Variants in SLC49A3 observed in about 807,000 individuals in gnomAD.
SLC49A3 encodes solute carrier family 49 member A3.
A neutral mutation model predicts 43.8 loss-of-function variants in SLC49A3; 50 were observed. The ratio of observed to expected loss-of-function variants is 1.14; its 90% CI spans 0.91 to 1.45. SLC49A3 has a LOEUF of 1.45. Among genes scored for constraint, SLC49A3 ranks in the 40% most tolerant of loss-of-function variants. The pLI, the probability that SLC49A3 is intolerant of heterozygous loss-of-function variation, is 0.00. For synonymous variants in SLC49A3, 413 were observed against 352.0 expected (o/e 1.17, Z -1.94); for missense variants, 906 against 774.1 (o/e 1.17, Z -2.02).
At chr4:686,789 G>A (rs1577368763) in intron 1 of SLC49A3, 99 bp from the exon 2 acceptor site, 21 of 1,444,734 alleles carry the variant, frequency 1.5e-5, no homozygotes, top group Admixed American at 2.0e-5. Flanking sequence ...CAGCAGCCCC[G>A]TGAGGCCGAG....
chr4:683,129 CA>C (rs1740163601), intron 8 of SLC49A3, 80 bp downstream of exon 8: 2 of 1,573,886 alleles, frequency 1.3e-6, no homozygotes, highest in Non-Finnish European at 1.7e-6. Flanking sequence ...GGGCCTGGAC[CA>C]CATGGTGCAA....
downstream of SLC49A3, chr4:681,001 A>G: frequency 7.0e-7 from 1 of 1,427,654 alleles, no homozygotes; most frequent in Non-Finnish European, 9.6e-7. Flanking sequence ...GTGAGCGAGT[A>G]CAACCTGGGG....
rs749785151 is a variant in SLC49A3, at chr4:685,854, C to T, written c.566G>A (p.Gly189Asp). ...NVLSPVLVKK[G>D]EDIPLMLGVY... ...CCTCACCATTAACGGAATGTCCTCA[C>T]CCTTCTTGACCAGCACAGGGGACAG... Residue 189 changes from glycine to aspartate, a missense_variant, in exon 4 of 10, where the codon GGT becomes GAT. Physicochemically the swap from Gly to Asp is moderately conservative, Grantham distance 94. Transcript: ENST00000322224. The surrounding 1 kb of genome is among the most constrained non-coding windows in gnomAD (Gnocchi z 4.3). The T allele has an allele frequency of 3.1e-6, 5 of 1,613,878 alleles. No homozygotes were observed. The South Asian group carries it at 3.3e-5, about 11-fold the overall frequency.
At position 686,672 on chromosome 4, in the gene SLC49A3, G is replaced by T. The variant is rs1741105658; in HGVS notation, c.154C>A (p.Pro52Thr). Reference protein sequence around the residue: ...SNATLWLSFAPVADVIAEDLV... With the variant: ...SNATLWLSFATVADVIAEDLV... ...TCCTCAGCAATGACGTCAGCCACAG[G>T]TGCAAAGCTGAGCCACAGCTGCAGG... Residue 52 changes from proline (P) to threonine (T), a missense_variant, in exon 2 of 10, where the codon CCT becomes ACT. By Grantham distance (38) the Pro-to-Thr change is conservative. Coordinates refer to ENST00000322224, the MANE Select transcript of SLC49A3 (RefSeq NM_032219.4). 1 of 1,612,864 alleles carries T rather than the reference G, an allele frequency of 6.2e-7. No individual in the cohort carries two copies. Among genetic ancestry groups the T allele is most frequent in the Non-Finnish European group, 8.5e-7 (1 of 1,179,878 alleles).
rs1459586830 is a variant in SLC49A3 at position 683,708 on chromosome 4, T to C, written c.894A>G (p.Ala298=). The change falls in exon 7 of 10, where the codon GCA becomes GCG. Residue 298 remains alanine, a synonymous_variant. Coordinates refer to ENST00000322224, the MANE Select transcript of SLC49A3 (RefSeq NM_032219.4). The part of the protein sequence containing the change: ...ALFITFGILG[A]LALGPYVDRT... ...GGTCCACATAGGGGCCGAGAGCCAG[T>C]GCCCCCAGGATCCCAAACGTGATGA... 6 of 1,596,822 alleles carry C rather than the reference T, an allele frequency of 3.8e-6. No homozygotes were observed. The Admixed American group carries it at 5.3e-5, about 14-fold the overall frequency.
rs763730156 is a variant in SLC49A3, at chr4:686,160, GAGA to G, written c.434_436del (p.Phe145del). On this transcript the variant is annotated inframe_deletion, in exon 3 of 10. Coordinates refer to ENST00000322224, the MANE Select transcript of SLC49A3 (RefSeq NM_032219.4). ...CCACAAGGCAGCCAGCTTGGCTGGA[GAGA>G]AGATGACCAGGCTCTGGGCAAGGGC... 2 of 1,613,414 alleles carry G rather than the reference GAGA, an allele frequency of 1.2e-6. No individual in the cohort carries two copies. Among genetic ancestry groups the G allele is most frequent in the Non-Finnish European group, 1.7e-6 (2 of 1,180,012 alleles).
At position 689,086 on chromosome 4, in the gene SLC49A3, G is replaced by A. The variant is rs761465249; in HGVS notation, c.42C>T (p.Pro14=). Residue 14 remains proline (P), a synonymous_variant, in exon 1 of 10, where the codon CCC becomes CCT. Transcript: ENST00000322224. ...PTEAETGLAE[P]RALCAQRGHR... is the part of the protein sequence containing the mutation. ...GGCCCCGCTGCGCGCACAGGGCCCG[G>A]GGCTCGGCCAACCCCGTCTCGGCCT... The A allele has an allele frequency of 4.6e-6, 7 of 1,536,678 alleles. No homozygotes were observed. Among genetic ancestry groups the A allele is most frequent in the South Asian group, 1.2e-5 (1 of 84,600 alleles).
upstream of SLC49A3, among the ~76,000 whole-genome samples, chr4:689,890 A>G (rs1331540722): frequency 1.3e-5 from 2 of 152,034 alleles, no homozygotes; most frequent in Non-Finnish European, 2.9e-5. Context: ...TGATCCCACA[A>G]CTGTGCCTGG....
intron 1 of SLC49A3, among the ~76,000 whole-genome samples, 189 bp from the exon 2 acceptor site, chr4:686,879 G>A (rs922587579): frequency 3.9e-5 from 6 of 152,190 alleles, no homozygotes; most frequent in East Asian, 3.9e-4. Flanking sequence ...GGCACCCAGC[G>A]CAGGGTCAGA....
downstream of SLC49A3, chr4:680,068 T>G: frequency 7.0e-7 from 1 of 1,429,856 alleles, no homozygotes; most frequent in South Asian, 1.2e-5. Flanking sequence ...TCCTAACAGT[T>G]AGAGATCCGG....
At chr4:686,062 C>G (rs1374222800) in intron 3 of SLC49A3, 27 bp downstream of exon 3, 2 of 1,611,920 alleles carry the variant, frequency 1.2e-6, no homozygotes, top group Admixed American at 1.7e-5. Flanking sequence ...TGAGCCCAGG[C>G]AGGCGGCCTC....
chr4:691,009 G>T (rs1258551093), upstream of SLC49A3, among the ~76,000 whole-genome samples: 1 of 152,228 alleles, frequency 6.6e-6, no homozygotes, highest in African/African-American at 2.4e-5. Flanking sequence ...ACCATGGGCC[G>T]GGTGCGGTGG....
intron 6 of SLC49A3, among the ~76,000 whole-genome samples, chr4:684,262 C>T (rs142277150): frequency 4.6e-5 from 7 of 152,266 alleles, no homozygotes; most frequent in Admixed American, 1.3e-4. Context: ...CCCTCCGCTC[C>T]GTCCCACAGC....
At chr4:680,546 G>A (rs538213827), downstream of SLC49A3, 2 of 1,613,622 alleles carry the variant, frequency 1.2e-6, no homozygotes, top group African/African-American at 2.7e-5. Context: ...ACGCCTTCAA[G>A]ATGCTGGACC....
Position 685,804 on chromosome 4 carries a change from G to C in SLC49A3, c.585+31C>G. ...GACGTGCATGCGCACACACCACACA[G>C]ACCAGGCACGGGCGTCTCATGACCC... On this transcript the variant is annotated intron_variant, in intron 4 of 9. Coordinates refer to ENST00000322224, the MANE Select transcript of SLC49A3 (RefSeq NM_032219.4). This position sits in a 1 kb window ranked among gnomAD's most constrained non-coding sequence, Gnocchi z 4.3. 1 of 1,611,312 alleles carries C rather than the reference G, an allele frequency of 6.2e-7. No individual in the cohort carries two copies. The highest frequency in any genetic ancestry group is 1.1e-5 in the South Asian group (1 of 90,938).
downstream of SLC49A3, chr4:678,575 A>G: frequency 6.5e-7 from 1 of 1,530,264 alleles, no homozygotes; most frequent in Non-Finnish European, 8.8e-7. Flanking sequence ...CCTTCATCTG[A>G]GTTAAGTCTC....
downstream of SLC49A3, chr4:678,938 G>T (rs376497378): frequency 7.4e-6 from 12 of 1,613,386 alleles, no homozygotes; most frequent in African/African-American, 1.6e-4. Context: ...CAGCACAGCA[G>T]CCCTGACCTT....
At chr4:680,846 G>A (rs1739400131), downstream of SLC49A3, 3 of 633,436 alleles carry the variant, frequency 4.7e-6, no homozygotes, top group South Asian at 3.9e-5. Flanking sequence ...CCTGCTAGGC[G>A]CCGGGGAAAG....
Position 684,056 on chromosome 4 carries a change from A to C in SLC49A3, c.841-295T>G, listed in dbSNP as rs375624247. 7.2e-5 allele frequency among the ~76,000 whole-genome samples: 11 copies of C among 152,322 alleles called. No homozygotes were observed. In the East Asian group the frequency reaches 2.1e-3, roughly 29 times the overall value. ...GGTGGAAACATGCCCCCAATCCTAC[A>C]CTGAGCACTGATCCCAGAAGGCAGA... On this transcript the variant is annotated intron_variant, in intron 6 of 9. Coordinates refer to ENST00000322224, the MANE Select transcript of SLC49A3 (RefSeq NM_032219.4).
Sources: allele counts gnomAD v4.1 joint callset (sites outside exome capture counted in the v4.1 genomes callset), GRCh38; gene constraint gnomAD v4.1.1; non-coding constraint Gnocchi (gnomAD v3.1); transcripts MANE v1.5; gene names NCBI Gene and HGNC (gene_info 2026-07-23, HGNC 2026-07-21).